Variants in NUDT3 observed in about 807,000 individuals in gnomAD.
NUDT3 encodes diphosphoinositol polyphosphate phosphohydrolase 1.
In NUDT3, 9 loss-of-function variants were observed where a neutral mutation model predicts 23.6. That is an observed-to-expected ratio of 0.38 (90% CI 0.23 to 0.66). The LOEUF (loss-of-function observed/expected upper bound fraction) is 0.66. Among genes scored for constraint, NUDT3 ranks in the 30% least tolerant of loss-of-function variants. The pLI is 0.52. For missense variants in NUDT3, 172 were observed against 218.5 expected (o/e 0.79, Z 1.34); for synonymous variants, 86 against 82.6 (o/e 1.04, Z -0.22).
rs188308225 is a variant in NUDT3, at chr6:34,316,338, G to C, written c.211-20653C>G. On this transcript the variant is annotated intron_variant, in intron 2 of 4. Coordinates refer to ENST00000607016, the MANE Select transcript of NUDT3 (RefSeq NM_006703.4). ...CCTCAATCACAAAAGGTAGTAAAGA[G>C]GAACAAAAATGGAGCCAAATGAAAT... Among the ~76,000 whole-genome samples the C allele has an allele frequency of 2.0e-4, 30 of 152,224 alleles. No homozygotes were observed. The East Asian group carries it at 5.8e-3, about 29-fold the overall frequency.
In NUDT3 at chr6:34,343,181, T is replaced by A. The variant is rs185845394; in HGVS notation, c.100-1209A>T. Among the ~76,000 whole-genome samples, 3 of 152,278 alleles carry A rather than the reference T, an allele frequency of 2.0e-5. No individual in the cohort carries two copies. In the East Asian group the frequency reaches 5.8e-4, roughly 29 times the overall value. ...TATTTATAAGCTCTGCTTTGATTAA[T>A]ACAATGTGAAATAATTTAAAATACT... On this transcript the variant is annotated intron_variant, in intron 1 of 4. Transcript: ENST00000607016.
At chr6:34,324,510 T>C (rs1033340977) in intron 2 of NUDT3, among the ~76,000 whole-genome samples, 5 of 152,176 alleles carry the variant, frequency 3.3e-5, no homozygotes, top group African/African-American at 1.2e-4. Flanking sequence ...CCTCAAGTGA[T>C]CCTCCTGCCT....
chr6:34,309,110 G>T (rs889349260), intron 2 of NUDT3, among the ~76,000 whole-genome samples: 3 of 152,176 alleles, frequency 2.0e-5, no homozygotes, highest in African/African-American at 7.2e-5. Context: ...GCTGGGGACA[G>T]TGGCTCACAC....
chr6:34,351,384 T>C (rs1764473273), intron 1 of NUDT3, among the ~76,000 whole-genome samples: 1 of 144,036 alleles, frequency 6.9e-6, no homozygotes, highest in Admixed American at 7.0e-5. Flanking sequence ...GAGATTACAG[T>C]GAGCTATGAT....
chr6:34,316,765 G>A (rs541029047), intron 2 of NUDT3, among the ~76,000 whole-genome samples: 13 of 152,296 alleles, frequency 8.5e-5, no homozygotes, highest in African/African-American at 3.1e-4. Context: ...AGTATTGCTG[G>A]AGCACAGTGA....
At chr6:34,388,435 T>C (rs948328904) in intron 1 of NUDT3, among the ~76,000 whole-genome samples, 1 of 152,220 alleles carries the variant, frequency 6.6e-6, no homozygotes, top group Non-Finnish European at 1.5e-5. Flanking sequence ...AGGCCATTAG[T>C]GCCCATTAAA....
intron 1 of NUDT3, among the ~76,000 whole-genome samples, chr6:34,350,206 T>C (rs1194483374): frequency 1.3e-5 from 2 of 150,972 alleles, no homozygotes; most frequent in Admixed American, 6.6e-5. Context: ...GGAGAATCAG[T>C]TGCATACAGT....
chr6:34,322,445 G>A (rs1763958796), intron 2 of NUDT3, among the ~76,000 whole-genome samples: 1 of 152,076 alleles, frequency 6.6e-6, no homozygotes, highest in Non-Finnish European at 1.5e-5. Context: ...TAGCCAGGAT[G>A]GTCTTGATCT....
At chr6:34,338,278 T>C (rs1455511770) in intron 2 of NUDT3, among the ~76,000 whole-genome samples, 1 of 152,204 alleles carries the variant, frequency 6.6e-6, no homozygotes, top group Non-Finnish European at 1.5e-5. Flanking sequence ...TCACACTACC[T>C]ACTGCATCCC....
intron 2 of NUDT3, among the ~76,000 whole-genome samples, chr6:34,337,456 G>A (rs988933050): frequency 6.6e-6 from 1 of 152,110 alleles, no homozygotes; most frequent in African/African-American, 2.4e-5. Context: ...TATCTGTGCT[G>A]GATCTTTCAC....
At position 34,286,419 on chromosome 6, in the gene NUDT3, CA is replaced by C. The variant is rs777267927; in HGVS notation, c.*2333del. On this transcript the variant is annotated 3_prime_UTR_variant, in exon 5 of 5. Coordinates refer to ENST00000607016, the MANE Select transcript of NUDT3 (RefSeq NM_006703.4). ...TTAAAGAGTACTGACTGTTTTCCTG[CA>C]AAGTACTTTCAAATCCATACCATAA... The C allele has an allele frequency of 3.3e-5, 5 of 152,130 alleles. No homozygotes were observed. The highest frequency in any genetic ancestry group is 7.4e-5 in the Non-Finnish European group (5 of 68,022). 9.4% of individuals were successfully genotyped at this position (152,130 alleles called of 1,614,324 possible).
chr6:34,343,418 G>C (rs1161328769), intron 1 of NUDT3, among the ~76,000 whole-genome samples: 1 of 151,062 alleles, frequency 6.6e-6, no homozygotes, highest in Non-Finnish European at 1.5e-5. Context: ...GCCAGGCTTA[G>C]TGGTGCACAC....
chr6:34,354,394 AACACACACAC>A (rs370168110), intron 1 of NUDT3, among the ~76,000 whole-genome samples: 5 of 137,722 alleles, frequency 3.6e-5, no homozygotes, highest in South Asian at 4.8e-4. Flanking sequence ...GATTTCATTA[AACACACACAC>A]ACACACACAC....
At chr6:34,385,915 C>G (rs1406321570) in intron 1 of NUDT3, among the ~76,000 whole-genome samples, 2 of 152,162 alleles carry the variant, frequency 1.3e-5, no homozygotes, top group Non-Finnish European at 2.9e-5. Context: ...AATTCCTGGG[C>G]TCATGTGATC....
chr6:34,335,170 A>C (rs939700109), intron 2 of NUDT3, among the ~76,000 whole-genome samples: 1 of 152,230 alleles, frequency 6.6e-6, no homozygotes, highest in Non-Finnish European at 1.5e-5. Context: ...TCATGAATGA[A>C]GTAACCTTCA....
At chr6:34,322,442 G>A (rs2113718583) in intron 2 of NUDT3, among the ~76,000 whole-genome samples, 1 of 151,222 alleles carries the variant, frequency 6.6e-6, no homozygotes, top group Non-Finnish European at 1.5e-5. Flanking sequence ...TGTTAGCCAG[G>A]ATGGTCTTGA....
intron 1 of NUDT3, among the ~76,000 whole-genome samples, chr6:34,382,407 CACAA>C (rs749215478): frequency 1.3e-5 from 2 of 151,954 alleles, no homozygotes; most frequent in African/African-American, 2.4e-5. Flanking sequence ...TGTCTCAAAA[CACAA>C]ACAAACAAAT....
chr6:34,311,987 G>C (rs1763780846), intron 2 of NUDT3, among the ~76,000 whole-genome samples: 1 of 152,110 alleles, frequency 6.6e-6, no homozygotes, highest in African/African-American at 2.4e-5. Flanking sequence ...GGTAACACAA[G>C]GGAAAATATA....
intron 2 of NUDT3, among the ~76,000 whole-genome samples, chr6:34,340,584 G>A (rs898833891): frequency 1.3e-5 from 2 of 151,908 alleles, no homozygotes; most frequent in African/African-American, 2.4e-5. Flanking sequence ...GGTTCTACCC[G>A]GGTTAGCCTC....
Sources: allele counts gnomAD v4.1 joint callset (sites outside exome capture counted in the v4.1 genomes callset), GRCh38; gene constraint gnomAD v4.1.1; transcripts MANE v1.5; gene names NCBI Gene and HGNC (gene_info 2026-07-23, HGNC 2026-07-21).